The following TNS2 variants were observed in gnomAD, a reference collection of about 807,000 sequenced individuals.
TNS2 encodes tensin-2.
TNS2 carries 77 observed loss-of-function variants against 155.7 expected under a neutral mutation model. The observed-to-expected ratio is 0.49, with a 90% CI of 0.41 to 0.60. The LOEUF is 0.60. TNS2 is among the 20% of genes least tolerant of loss of function. The pLI is 0.00. For synonymous variants in TNS2, 726 were observed against 763.9 expected, an observed-to-expected ratio of 0.95 and a Z score of 0.82; for missense variants, 1,703 against 1,868.8, an observed-to-expected ratio of 0.91 and a Z score of 1.64.
At chr12:53,052,293 C>T (rs1943964218) in intron 2 of TNS2, 162 bp from the exon 3 acceptor site, 1 of 855,828 alleles carries the variant, frequency 1.2e-6, no homozygotes, top group Admixed American at 2.1e-5. Context: ...CACACTCTTC[C>T]CTCAAAACCT....
At chr12:53,049,094 C>A, upstream of TNS2, 2 of 1,393,834 alleles carry the variant, frequency 1.4e-6, no homozygotes, top group Non-Finnish European at 2.0e-6. Context: ...CCTCCCTTGA[C>A]TCCCAGGACG....
chr12:53,054,512 T>G, intron 7 of TNS2, 71 bp downstream of exon 7: 1 of 1,379,022 alleles, frequency 7.3e-7, no homozygotes, highest in South Asian at 1.5e-5. Context: ...GGCTAATCAC[T>G]GACGTCACCA....
At chr12:53,048,500 G>A (rs371079442), upstream of TNS2, among the ~76,000 whole-genome samples, 146 of 152,342 alleles carry the variant, frequency 9.6e-4, no homozygotes, top group African/African-American at 3.1e-3. Context: ...AGCAGGGCTG[G>A]GGGCTCGACA....
chr12:53,052,577 T>C, intron 3 of TNS2, 85 bp downstream of exon 3: 1 of 1,557,816 alleles, frequency 6.4e-7, no homozygotes, highest in Non-Finnish European at 8.8e-7. Flanking sequence ...CACACTGGCA[T>C]CAACCCTCCA....
In TNS2 at chr12:53,050,094, G is replaced by C; in HGVS notation, c.-92G>C. The C allele has an allele frequency of 1.3e-6, 2 of 1,551,354 alleles. No homozygotes were observed. Among genetic ancestry groups the C allele is most frequent in the Non-Finnish European group, 1.7e-6 (2 of 1,151,772 alleles). ...AGCCTACCCTCCGCCCAGGGGAAGC[G>C]GCTGCCTCCGCCAGGCCGCTTCCAG... is the stretch of plus-strand genomic sequence containing the variant. On this transcript the variant is annotated 5_prime_UTR_variant, in exon 1 of 29. Coordinates refer to ENST00000314250, the MANE Select transcript of TNS2 (RefSeq NM_170754.4). The surrounding 1 kb of genome is among the most constrained non-coding windows in gnomAD (Gnocchi z 4.7).
chr12:53,060,631 C>T lies in TNS2; in HGVS notation c.2769-44C>T. 1.3e-6 allele frequency: 2 copies of T among 1,589,270 alleles called. No individual in the cohort carries two copies. Among genetic ancestry groups the T allele is most frequent in the Non-Finnish European group, 1.7e-6 (2 of 1,165,596 alleles). ...ATGAAGGCAGGTGGGGTGGGAGCAGCCACAATGGGGGCTCTGCTGACCATC... is the reference window on the plus strand; with the variant it reads ...ATGAAGGCAGGTGGGGTGGGAGCAGTCACAATGGGGGCTCTGCTGACCATC... On this transcript the variant is annotated intron_variant, in intron 19 of 28. Coordinates refer to ENST00000314250, the MANE Select transcript of TNS2 (RefSeq NM_170754.4). The surrounding 1 kb of genome is among the most constrained non-coding windows in gnomAD (Gnocchi z 6.1).
At chr12:53,062,070 A>G in intron 22 of TNS2, 83 bp from the exon 23 acceptor site, 1 of 1,610,950 alleles carries the variant, frequency 6.2e-7, no homozygotes. Context: ...AAAAGACCTC[A>G]GCTGCTCGGG....
Position 53,064,054 on chromosome 12 carries a change from CTAAGT to C in TNS2, c.*178_*182del. The C allele has an allele frequency of 2.8e-6, 2 of 712,384 alleles. No homozygotes were observed. Among genetic ancestry groups the C allele is most frequent in the Non-Finnish European group, 4.5e-6 (2 of 440,896 alleles). The allele number at this position is 712,384 out of a possible 1,614,324, so 44.1% of individuals were successfully genotyped here. A position where few individuals can be genotyped will look rare whatever the true frequency, so the allele number is the denominator to read the frequency against. ...GCTCTCCTTCCCCGCCCCCAGCCTG[CTAAGT>C]TAAGTGGACAGGCCCACAAGATGAC... On this transcript the variant is annotated 3_prime_UTR_variant, in exon 29 of 29. Transcript: ENST00000314250.
chr12:53,048,718 G>A (rs1346981056), upstream of TNS2, among the ~76,000 whole-genome samples: 1 of 152,214 alleles, frequency 6.6e-6, no homozygotes, highest in African/African-American at 2.4e-5. Flanking sequence ...CCAGGGAGAG[G>A]TGTCAGGCTA....
In TNS2 at chr12:53,059,182, G is replaced by T. The variant is rs1225152193; in HGVS notation, c.1541G>T (p.Gly514Val). The T allele has an allele frequency of 6.2e-7, 1 of 1,600,226 alleles. No homozygotes were observed. Among genetic ancestry groups the T allele is most frequent in the Non-Finnish European group, 8.5e-7 (1 of 1,177,634 alleles). ...ATGCTCTCTGTCAGCAGCGACTCAG[G>T]CCATTCCTCCACGCTGACCACAGAG... ...PPMLSVSSDSGHSSTLTTEPA... is the reference protein window; with the variant it reads ...PPMLSVSSDSVHSSTLTTEPA... Residue 514 changes from glycine to valine, a missense_variant, in exon 18 of 29, where the codon GGC (glycine) becomes GTC (valine). Gly to Val is a moderately radical substitution (Grantham distance 109). Coordinates refer to ENST00000314250, the MANE Select transcript of TNS2 (RefSeq NM_170754.4). The surrounding 1 kb of genome is among the most constrained non-coding windows in gnomAD (Gnocchi z 4.7).
In TNS2 at chr12:53,060,968, G is replaced by C; in HGVS notation, c.3062G>C (p.Arg1021Pro). Residue 1021 changes from arginine to proline, a missense_variant, in exon 20 of 29, where the codon CGA becomes CCA. By Grantham distance (103) the Arg-to-Pro change is moderately radical. Transcript: ENST00000314250. The surrounding 1 kb of genome is among the most constrained non-coding windows in gnomAD (Gnocchi z 6.1). ...CGCCACGCCCCCTGGCAAGGCCCTC[G>C]AGGCCCCCCCGACAGCCCAGATGGG... The part of the protein sequence containing the change: ...GLRHAPWQGP[R>P]GPPDSPDGSP... 17 of 1,608,432 alleles carry C rather than the reference G, an allele frequency of 1.1e-5. No individual in the cohort carries two copies. Among genetic ancestry groups the C allele is most frequent in the Non-Finnish European group, 1.4e-5 (16 of 1,177,728 alleles).
Position 53,063,601 on chromosome 12 carries a change from C to G in TNS2, c.4091+9C>G, listed in dbSNP as rs961742416. ...GACGGGACCACCTCCAAGTAAGCCT[C>G]CCCACGAATTCAGCCTCTTCCTTCC... On this transcript the variant is annotated intron_variant, in intron 28 of 28. Transcript: ENST00000314250. This position sits in a 1 kb window ranked among gnomAD's most constrained non-coding sequence, Gnocchi z 5.6. 6.2e-7 allele frequency: 1 copy of G among 1,614,144 alleles called. No homozygotes were observed. Among genetic ancestry groups the G allele is most frequent in the Non-Finnish European group, 8.5e-7 (1 of 1,180,020 alleles).
rs1256789714 is a variant in TNS2, at chr12:53,060,721, A to G, written c.2815A>G (p.Arg939Gly). 8 of 1,600,854 alleles carry G rather than the reference A, an allele frequency of 5.0e-6. No individual in the cohort carries two copies. Among genetic ancestry groups the G allele is most frequent in the African/African-American group, 1.3e-5 (1 of 74,736 alleles). The change falls in exon 20 of 29, where the codon AGA (arginine) becomes GGA (glycine). Residue 939 changes from arginine (R) to glycine (G), a missense_variant. Arg to Gly is a moderately radical substitution (Grantham distance 125). Transcript: ENST00000314250. This position sits in a 1 kb window ranked among gnomAD's most constrained non-coding sequence, Gnocchi z 6.1. Reference sequence around the variant, plus strand: ...GTCCCCCACCTCAGCGCCCACTCAGAGACTGAGTCCTGGCGAGGCCTTGCC... The same window carrying G: ...GTCCCCCACCTCAGCGCCCACTCAGGGACTGAGTCCTGGCGAGGCCTTGCC... The part of the protein sequence containing the change: ...TRSPTSAPTQ[R>G]LSPGEALPPV...
In TNS2 at chr12:53,059,397, C is replaced by G; in HGVS notation, c.1756C>G (p.Pro586Ala). ...PHLGVYPGHR[P>A]GLSRHCSCRQ... ...CCTCGGAGTGTATCCAGGCCATAGGCCTGGCCTCAGCCGCCACTGCTCCTG... is the reference window on the plus strand; with the variant it reads ...CCTCGGAGTGTATCCAGGCCATAGGGCTGGCCTCAGCCGCCACTGCTCCTG... Residue 586 changes from proline to alanine, a missense_variant, in exon 18 of 29, where the codon CCT (proline) becomes GCT (alanine). Physicochemically the swap from Pro to Ala is conservative, Grantham distance 27 (BLOSUM62 -1). Transcript: ENST00000314250. The surrounding 1 kb of genome is among the most constrained non-coding windows in gnomAD (Gnocchi z 4.7). 6.8e-7 allele frequency: 1 copy of G among 1,470,154 alleles called. No individual in the cohort carries two copies. The highest frequency in any genetic ancestry group is 1.4e-5 in the African/African-American group (1 of 69,916). The allele number at this position is 1,470,154 out of a possible 1,614,324, so 91.1% of individuals were successfully genotyped here.
Position 53,063,956 on chromosome 12 carries a change from G to T in TNS2, c.*74G>T. 5 of 1,551,616 alleles carry T rather than the reference G, an allele frequency of 3.2e-6. No homozygotes were observed. In the South Asian group the frequency reaches 4.8e-5, roughly 15 times the overall value. On this transcript the variant is annotated 3_prime_UTR_variant, in exon 29 of 29. Transcript: ENST00000314250. The surrounding 1 kb of genome is among the most constrained non-coding windows in gnomAD (Gnocchi z 5.6). Reference sequence around the variant, plus strand: ...CACCCCACAGCCCTCACATCCCCTGGCCTGGACCCAGGAGACCCAGGAGAA... The same window carrying T: ...CACCCCACAGCCCTCACATCCCCTGTCCTGGACCCAGGAGACCCAGGAGAA...
intron 10 of TNS2, 45 bp downstream of exon 10, chr12:53,055,890 T>C: frequency 6.3e-7 from 1 of 1,576,742 alleles, no homozygotes. Context: ...AGTGGCCCTT[T>C]CTCCAGCTGG....
At position 53,050,594 on chromosome 12, in the gene TNS2, C is replaced by T. The variant is rs1762249051; in HGVS notation, c.75+334C>T. The stretch of plus-strand genomic sequence containing the variant: ...GGTATCCTCCAGCAGGCTCAGAGAT[C>T]ATCAGGCCCCTTCCCTGGCCCAGGG... On this transcript the variant is annotated intron_variant, in intron 1 of 28. Transcript: ENST00000314250. This position sits in a 1 kb window ranked among gnomAD's most constrained non-coding sequence, Gnocchi z 4.7. 6.6e-6 allele frequency among the ~76,000 whole-genome samples: 1 copy of T among 152,058 alleles called. No individual in the cohort carries two copies.
At chr12:53,056,239 A>T (rs954411936) in intron 10 of TNS2, 2 of 168,416 alleles carry the variant, frequency 1.2e-5, no homozygotes, top group South Asian at 2.8e-4. Context: ...GGGCGCCTGT[A>T]ATCCCAGCTA....
rs983310902 is a variant in TNS2 at position 53,064,150 on chromosome 12, C to T, written c.*268C>T. The T allele has an allele frequency of 3.3e-5, 14 of 420,178 alleles. No homozygotes were observed. The highest frequency in any genetic ancestry group is 7.0e-5 in the South Asian group (2 of 28,500). 26.0% of individuals were successfully genotyped at this position (420,178 alleles called of 1,614,324 possible). A position where few individuals can be genotyped will look rare whatever the true frequency, so the allele number is the denominator to read the frequency against. On this transcript the variant is annotated 3_prime_UTR_variant, in exon 29 of 29. Coordinates refer to ENST00000314250, the MANE Select transcript of TNS2 (RefSeq NM_170754.4). Reference sequence around the variant, plus strand: ...TGAGGAGGCATCAGCAGTTGAGCCCCGAAGGAGATCAGGCAGCCCCACCTG... The same window carrying T: ...TGAGGAGGCATCAGCAGTTGAGCCCTGAAGGAGATCAGGCAGCCCCACCTG...
Sources: gnomAD v4.1 joint callset for allele counts (sites outside exome capture counted in the v4.1 genomes callset) on GRCh38, gnomAD v4.1.1 for gene constraint, Gnocchi (gnomAD v3.1) non-coding constraint, MANE v1.5 for transcripts, NCBI Gene and HGNC (gene_info 2026-07-23, HGNC 2026-07-21) for gene names.